Variants in IFT122 observed in about 807,000 individuals in gnomAD.
The protein encoded by IFT122 is intraflagellar transport protein 122 homolog.
In IFT122, 118 loss-of-function variants were observed where a neutral mutation model predicts 161.6. The ratio of observed to expected loss-of-function variants is 0.73; its 90% CI spans 0.63 to 0.85. The LOEUF is 0.85. Among genes scored for constraint, IFT122 ranks in the 40% least tolerant of loss-of-function variants. The probability of loss-of-function intolerance (pLI) is 0.00; values close to 1 mark genes in which losing one functional copy is unlikely to be tolerated. For missense variants in IFT122, 1,381 were observed against 1,579.6 expected (o/e 0.87, Z 2.13); for synonymous variants, 550 against 602.4 (o/e 0.91, Z 1.27).
At chr3:129,504,507 C>T in intron 21 of IFT122, 86 bp downstream of exon 21, 1 of 1,051,320 alleles carries the variant, frequency 9.5e-7, no homozygotes, top group Non-Finnish European at 1.5e-6. Context: ...CCAAGCCCTT[C>T]CCATCTGTAG....
In IFT122 at chr3:129,504,414, C is replaced by T. The variant is rs150055466; in HGVS notation, c.2643C>T (p.Ala881=). The change falls in exon 21 of 30, where the codon GCC becomes GCT. Residue 881 remains alanine, a synonymous_variant. Transcript: ENST00000348417. ...WLAENDRFEE[A]QKAFHKAGRQ... is the part of the protein sequence containing the mutation. ...CAGAGAACGATCGCTTTGAGGAAGCCCAGAAAGGTAGGCAACACAGACTGT... is the reference window on the plus strand; with the variant it reads ...CAGAGAACGATCGCTTTGAGGAAGCTCAGAAAGGTAGGCAACACAGACTGT... 293 of 1,613,364 alleles carry T rather than the reference C, an allele frequency of 1.8e-4. 1 individual carries two copies. Among genetic ancestry groups the T allele is most frequent in the South Asian group, 1.4e-3 (124 of 91,064 alleles).
At chr3:129,449,003 C>T (rs2074404383) in intron 1 of IFT122, among the ~76,000 whole-genome samples, 1 of 152,170 alleles carries the variant, frequency 6.6e-6, no homozygotes. Context: ...CAGGCCTCAG[C>T]TTGCCTATCT....
intron 1 of IFT122, among the ~76,000 whole-genome samples, chr3:129,445,761 A>G (rs1577156297): frequency 6.6e-6 from 1 of 152,238 alleles, no homozygotes; most frequent in East Asian, 1.9e-4. Context: ...CATCTACAAA[A>G]CAGAGTAATA....
intron 7 of IFT122, among the ~76,000 whole-genome samples, chr3:129,466,578 T>G (rs2076816341): frequency 6.9e-6 from 1 of 145,746 alleles, no homozygotes. Flanking sequence ...CTTGGCTCAC[T>G]GCAACCTCCG....
chr3:129,491,054 C>A (rs2080021750), intron 16 of IFT122, among the ~76,000 whole-genome samples: 2 of 152,152 alleles, frequency 1.3e-5, no homozygotes, highest in South Asian at 2.1e-4. Flanking sequence ...AGAATGTGGA[C>A]CTCTGAATTG....
rs575117014 is a variant in IFT122, at chr3:129,502,974, A to G, written c.2547+92A>G. On this transcript the variant is annotated intron_variant, in intron 20 of 29. Coordinates refer to ENST00000348417, the MANE Select transcript of IFT122 (RefSeq NM_052989.3). ...CAGGGGCCCTTTGGGGTTCAGATGG[A>G]GAGAAGCTGCCCTCGTGATGGAAGG... 9 of 1,233,140 alleles carry G rather than the reference A, an allele frequency of 7.3e-6. No individual in the cohort carries two copies. The East Asian group carries it at 1.9e-4, about 26-fold the overall frequency. The allele number at this position is 1,233,140 out of a possible 1,614,324, so 76.4% of individuals were successfully genotyped here.
At position 129,476,682 on chromosome 3, in the gene IFT122, G is replaced by A; in HGVS notation, c.1028G>A (p.Gly343Asp). Reference sequence around the variant, plus strand: ...CCGCAGGTGGTCGGCTGCCAGGACGGCACCATTTCCTTCTACCAGCTTATT... The same window carrying A: ...CCGCAGGTGGTCGGCTGCCAGGACGACACCATTTCCTTCTACCAGCTTATT... ...SNYVVVGCQD[G>D]TISFYQLIFS... Residue 343 changes from glycine (G) to aspartate (D), a missense_variant, in exon 11 of 30, where the codon GGC becomes GAC. Physicochemically the swap from Gly to Asp is moderately conservative, Grantham distance 94 (BLOSUM62 -1). Around this residue, in one of 7 missense-constraint regions of IFT122, gnomAD observed 544 missense variants for 648.0 expected, o/e 0.84. Coordinates refer to ENST00000348417, the MANE Select transcript of IFT122 (RefSeq NM_052989.3). The A allele has an allele frequency of 6.2e-7, 1 of 1,614,190 alleles. No homozygotes were observed. The highest frequency in any genetic ancestry group is 8.5e-7 in the Non-Finnish European group (1 of 1,180,044).
At chr3:129,514,286 C>T (rs1440481100) in intron 24 of IFT122, 103 bp from the exon 25 acceptor site, 1 of 1,317,346 alleles carries the variant, frequency 7.6e-7, no homozygotes, top group African/African-American at 1.5e-5. Flanking sequence ...CTTCCCGGCA[C>T]CAGCACAAGC....
intron 15 of IFT122, among the ~76,000 whole-genome samples, chr3:129,486,448 C>CA (rs1290688979): frequency 2.0e-5 from 3 of 152,166 alleles, no homozygotes; most frequent in African/African-American, 7.2e-5. Context: ...CATAAAATAG[C>CA]AAAAACCACA....
In IFT122 at chr3:129,483,467, A is replaced by G; in HGVS notation, c.1654-18A>G. The G allele has an allele frequency of 2.5e-6, 4 of 1,611,690 alleles. No homozygotes were observed. Among genetic ancestry groups the G allele is most frequent in the Non-Finnish European group, 3.4e-6 (4 of 1,177,996 alleles). On this transcript the variant is annotated intron_variant, in intron 14 of 29. Coordinates refer to ENST00000348417, the MANE Select transcript of IFT122 (RefSeq NM_052989.3). ...CCAGGGTGGTTCTCACAGGATCCCCACTGTCCCTGTTCCCCAGGAACCAAA... is the reference window on the plus strand; with the variant it reads ...CCAGGGTGGTTCTCACAGGATCCCCGCTGTCCCTGTTCCCCAGGAACCAAA...
chr3:129,461,520 C>T (rs1559870014), intron 5 of IFT122: 3 of 581,698 alleles, frequency 5.2e-6, no homozygotes, highest in African/African-American at 1.9e-5. Flanking sequence ...TCAGAGACTA[C>T]AGGAAGGGCC....
chr3:129,460,446 TA>T (rs770854698), intron 4 of IFT122, among the ~76,000 whole-genome samples: 1,659 of 150,328 alleles, frequency 0.011, 11 homozygotes, highest in South Asian at 0.03. Context: ...TTTTCTTTAT[TA>T]TTATTTTTTT....
At chr3:129,514,188 C>T in intron 24 of IFT122, 1 of 702,200 alleles carries the variant, frequency 1.4e-6, no homozygotes, top group Non-Finnish European at 2.6e-6. Flanking sequence ...CTGTTTTTAT[C>T]TTTGGAAAAA....
chr3:129,456,007 C>G (rs951783153), intron 3 of IFT122: 2 of 401,106 alleles, frequency 5.0e-6, no homozygotes, highest in Admixed American at 2.7e-5. Context: ...GTAGTTAAAA[C>G]TCATGTTGTT....
intron 6 of IFT122, 70 bp from the exon 7 acceptor site, chr3:129,464,565 A>T (rs1034198391): frequency 6.3e-7 from 1 of 1,587,736 alleles, no homozygotes; most frequent in South Asian, 1.1e-5. Context: ...CCAAGGCATC[A>T]TCCTCACTAG....
At chr3:129,448,656 A>C (rs1284316281) in intron 1 of IFT122, among the ~76,000 whole-genome samples, 1 of 151,950 alleles carries the variant, frequency 6.6e-6, no homozygotes. Flanking sequence ...GCCGGCATTC[A>C]CCAGTGCAAG....
At position 129,488,381 on chromosome 3, in the gene IFT122, T is replaced by C. The variant is rs1050518480; in HGVS notation, c.1976T>C (p.Phe659Ser). Residue 659 changes from phenylalanine to serine, a missense_variant, in exon 16 of 30, where the codon TTT becomes TCT. By Grantham distance (155) the Phe-to-Ser change is radical (BLOSUM62 -2). Transcript: ENST00000348417. ...ATGGAAGCGCTAGAAGGTTTAGATT[T>C]TGAAACAGCAAAGAAGGTAAGCATC... Reference protein sequence around the residue: ...LAMEALEGLDFETAKKAFIRV... With the variant: ...LAMEALEGLDSETAKKAFIRV... The C allele has an allele frequency of 5.0e-6, 8 of 1,614,012 alleles. No homozygotes were observed. In the African/African-American group the frequency reaches 5.3e-5, roughly 11 times the overall value.
intron 17 of IFT122, among the ~76,000 whole-genome samples, chr3:129,493,386 GC>G (rs2080390251): frequency 6.6e-6 from 1 of 152,226 alleles, no homozygotes; most frequent in African/African-American, 2.4e-5. Context: ...GGAGCTCACA[GC>G]CTGCTAAGCC....
At chr3:129,501,580 T>C (rs757191048) in intron 19 of IFT122, among the ~76,000 whole-genome samples, 1 of 152,254 alleles carries the variant, frequency 6.6e-6, no homozygotes, top group Non-Finnish European at 1.5e-5. Context: ...TTTAGGGTGC[T>C]CTGTTCTCTC....
Sources: allele counts gnomAD v4.1 joint callset (sites outside exome capture counted in the v4.1 genomes callset), GRCh38; gene constraint gnomAD v4.1.1; regional missense constraint gnomAD v4.1.1; transcripts MANE v1.5; gene names NCBI Gene and HGNC (gene_info 2026-07-23, HGNC 2026-07-21).